The following SEM1 variants were observed in gnomAD, a reference collection of about 807,000 sequenced individuals.
The protein encoded by SEM1 is 26S proteasome complex subunit SEM1.
SEM1 carries 3 observed loss-of-function variants against 12.7 expected under a neutral mutation model. The ratio of observed to expected loss-of-function variants is 0.24; its 90% CI spans 0.11 to 0.61. The LOEUF is 0.61. SEM1 is among the 20% of genes least tolerant of loss of function. The probability of loss-of-function intolerance (pLI) is 0.88; values close to 1 mark genes in which losing one functional copy is unlikely to be tolerated. For missense variants in SEM1, 59 were observed against 81.3 expected, an observed-to-expected ratio of 0.73 and a Z score of 1.06; for synonymous variants, 30 against 27.8, an observed-to-expected ratio of 1.08 and a Z score of -0.25.
intron 2 of SEM1, among the ~76,000 whole-genome samples, chr7:96,511,175 C>T (rs1400938413): frequency 6.6e-6 from 1 of 152,086 alleles, no homozygotes; most frequent in African/African-American, 2.4e-5. Context: ...CAAATAGAAT[C>T]ACAGTTTTTA....
At chr7:96,631,107 T>C (rs1485952040) in intron 2 of SEM1, among the ~76,000 whole-genome samples, 1 of 151,612 alleles carries the variant, frequency 6.6e-6, no homozygotes, top group Non-Finnish European at 1.5e-5. Flanking sequence ...GTTAGGGGAA[T>C]GGTGATGCCA....
At chr7:96,642,538 A>G (rs991465616) in intron 2 of SEM1, among the ~76,000 whole-genome samples, 4 of 151,382 alleles carry the variant, frequency 2.6e-5, no homozygotes, top group Non-Finnish European at 4.4e-5. Flanking sequence ...TAAACTCTCC[A>G]GGAAAAGTTA....
At chr7:96,565,451 A>C (rs1037590155) in intron 2 of SEM1, among the ~76,000 whole-genome samples, 1 of 151,870 alleles carries the variant, frequency 6.6e-6, no homozygotes, top group Admixed American at 6.6e-5. Flanking sequence ...TAGTAAGTGG[A>C]TTCTGTGATT....
At chr7:96,495,135 AGAAATATTGT>A (rs1476279326) in intron 1 of SEM1, among the ~76,000 whole-genome samples, 3 of 152,078 alleles carry the variant, frequency 2.0e-5, no homozygotes, top group Non-Finnish European at 4.4e-5. Context: ...TTCAGGCCAT[AGAAATATTGT>A]GAAATATAAG....
intron 2 of SEM1, among the ~76,000 whole-genome samples, chr7:96,639,459 G>A (rs1808525379): frequency 6.6e-6 from 1 of 151,916 alleles, no homozygotes. Context: ...ATTTGACAAA[G>A]AAGCAAAGGC....
upstream of SEM1, among the ~76,000 whole-genome samples, chr7:96,496,790 A>G (rs977617437): frequency 8.5e-5 from 13 of 152,166 alleles, no homozygotes; most frequent in Non-Finnish European, 1.5e-4. Flanking sequence ...TATATGTCTC[A>G]AAATGCAGTG....
intron 2 of SEM1, among the ~76,000 whole-genome samples, chr7:96,584,371 C>A (rs1806534394): frequency 6.6e-6 from 1 of 152,070 alleles, no homozygotes; most frequent in Non-Finnish European, 1.5e-5. Context: ...TTGAGGGTAA[C>A]CCGACCTTTC....
chr7:96,547,130 A>G (rs1039811324), intron 2 of SEM1, among the ~76,000 whole-genome samples: 8 of 152,140 alleles, frequency 5.3e-5, no homozygotes, highest in Admixed American at 5.2e-4. Context: ...AAACCAGGGA[A>G]GACACCCCAA....
upstream of SEM1, among the ~76,000 whole-genome samples, chr7:96,497,776 C>T (rs1168112596): frequency 2.0e-5 from 3 of 152,082 alleles, no homozygotes; most frequent in Non-Finnish European, 2.9e-5. Context: ...AAGGTGAGTC[C>T]TGTGATTGCA....
intron 2 of SEM1, among the ~76,000 whole-genome samples, chr7:96,512,340 G>T (rs1803959621): frequency 6.6e-6 from 1 of 152,026 alleles, no homozygotes; most frequent in Non-Finnish European, 1.5e-5. Flanking sequence ...CTGACTTATG[G>T]TATGATCCAT....
At chr7:96,501,255 G>A (rs1307271593), upstream of SEM1, among the ~76,000 whole-genome samples, 1 of 152,122 alleles carries the variant, frequency 6.6e-6, no homozygotes, top group African/African-American at 2.4e-5. Flanking sequence ...GACATCCAGA[G>A]TTGATGTTAA....
chr7:96,661,932 G>A (rs900247495), intron 2 of SEM1, among the ~76,000 whole-genome samples: 3 of 146,522 alleles, frequency 2.0e-5, no homozygotes, highest in Non-Finnish European at 4.5e-5. Flanking sequence ...AGGTTGTGGT[G>A]AGCCAAGATC....
intron 2 of SEM1, among the ~76,000 whole-genome samples, chr7:96,562,405 G>C (rs1180681824): frequency 6.6e-6 from 1 of 152,116 alleles, no homozygotes; most frequent in African/African-American, 2.4e-5. Context: ...TGGATATATA[G>C]CAGGGGAAAA....
chr7:96,684,571 C>T (rs1447748087), downstream of SEM1, among the ~76,000 whole-genome samples: 1 of 151,938 alleles, frequency 6.6e-6, no homozygotes, highest in Non-Finnish European at 1.5e-5. Flanking sequence ...GCATTTGAGG[C>T]AGAGTTGATA....
At chr7:96,694,731 T>C (rs1204890720) in intron 2 of SEM1, 67 bp downstream of exon 2, 2 of 1,043,838 alleles carry the variant, frequency 1.9e-6, no homozygotes, top group African/African-American at 3.1e-5. Flanking sequence ...TAATCATCTA[T>C]GTAAATTACA....
At chr7:96,560,971 A>T (rs1232767834) in intron 2 of SEM1, among the ~76,000 whole-genome samples, 1 of 152,082 alleles carries the variant, frequency 6.6e-6, no homozygotes, top group African/African-American at 2.4e-5. Flanking sequence ...TTTTAGAGAC[A>T]GGGTCTTGCT....
intron 2 of SEM1, among the ~76,000 whole-genome samples, chr7:96,643,107 T>A (rs1808666716): frequency 6.6e-6 from 1 of 152,142 alleles, no homozygotes; most frequent in African/African-American, 2.4e-5. Context: ...CCTCCCACCA[T>A]CCAACCTCCA....
At chr7:96,595,497 C>G (rs1806968527) in intron 2 of SEM1, among the ~76,000 whole-genome samples, 1 of 151,990 alleles carries the variant, frequency 6.6e-6, no homozygotes. Flanking sequence ...GAGTGAGACC[C>G]CATCTCACAA....
chr7:96,592,943 G>A (rs1239118255), intron 2 of SEM1, among the ~76,000 whole-genome samples: 5 of 145,284 alleles, frequency 3.4e-5, no homozygotes, highest in Non-Finnish European at 7.4e-5. Context: ...ACATATTACC[G>A]TCCTTGAAGC....
Sources: gnomAD v4.1 joint callset for allele counts (sites outside exome capture counted in the v4.1 genomes callset) on GRCh38, gnomAD v4.1.1 for gene constraint, MANE v1.5 for transcripts, NCBI Gene and HGNC (gene_info 2026-07-23, HGNC 2026-07-21) for gene names.